NRG1: variants seen among roughly 807,000 people sequenced by gnomAD.
NRG1 encodes the protein neuregulin 1, also known as pro-neuregulin-1, membrane-bound isoform.
NRG1 carries 18 observed loss-of-function variants against 63.8 expected under a neutral mutation model. The ratio of observed to expected loss-of-function variants is 0.28; its 90% CI spans 0.19 to 0.42. NRG1 has a LOEUF of 0.42. Among genes scored for constraint, NRG1 ranks in the 10% least tolerant of loss-of-function variants. The pLI is 1.00. For missense variants in NRG1, 762 were observed against 814.7 expected (o/e 0.94, Z 0.79); for synonymous variants, 302 against 301.3 (o/e 1.00, Z -0.02).
At chr8:32,303,018 C>A (rs1855755200) in intron 1 of NRG1, among the ~76,000 whole-genome samples, 1 of 151,726 alleles carries the variant, frequency 6.6e-6, no homozygotes, top group Non-Finnish European at 1.5e-5. Context: ...CCTGTCTCTG[C>A]TAAAAATACA....
chr8:32,764,374 T>C, exon 12 of NRG1: 3 of 1,605,904 alleles, frequency 1.9e-6, no homozygotes, highest in Non-Finnish European at 1.7e-6. Flanking sequence ...TCTAGTGTAA[T>C]TGCTAACCAA....
At chr8:31,713,222 T>C (rs1693603924) in intron 1 of NRG1, among the ~76,000 whole-genome samples, 1 of 148,532 alleles carries the variant, frequency 6.7e-6, no homozygotes, top group South Asian at 2.2e-4. Context: ...GTTCACGCCA[T>C]TCTCCTGCCT....
intron 1 of NRG1, among the ~76,000 whole-genome samples, chr8:32,077,890 A>G (rs190837639): frequency 2.0e-5 from 3 of 152,248 alleles, no homozygotes; most frequent in Admixed American, 2.0e-4. Context: ...GCTCCTTCCT[A>G]TTGGGGGCTG....
Position 32,650,867 on chromosome 8 carries a change from A to AT in NRG1, c.502+33991dup, listed in dbSNP as rs201557669. On this transcript the variant is annotated intron_variant, in intron 5 of 11. Transcript: ENST00000356819. ...TTTAGGACTTTATTCTCCCGTTTCC[A>AT]TTTTTTTTTCTGTCTCAGCATATTC... Among the ~76,000 whole-genome samples, 213 of 150,318 alleles carry AT rather than the reference A, an allele frequency of 1.4e-3. 5 individuals carry two copies. In the East Asian group the frequency reaches 0.026, roughly 18 times the overall value.
In NRG1 at chr8:32,750,283, C is replaced by G. The variant is rs182408068; in HGVS notation, c.692-4089C>G. Among the ~76,000 whole-genome samples, 5 of 152,186 alleles carry G rather than the reference C, an allele frequency of 3.3e-5. No homozygotes were observed. The East Asian group carries it at 9.7e-4, about 29-fold the overall frequency. ...CATGAAGATTATCCAGACAAGTAAT[C>G]AAATAGAAAATTTCACACTGTCAAA... On this transcript the variant is annotated intron_variant, in intron 7 of 11. Transcript: ENST00000356819.
At chr8:31,678,582 G>A (rs2131043982) in intron 1 of NRG1, among the ~76,000 whole-genome samples, 1 of 151,682 alleles carries the variant, frequency 6.6e-6, no homozygotes, top group African/African-American at 2.4e-5. Context: ...TGACAAGTCT[G>A]TGTGACCCAA....
At position 32,272,091 on chromosome 8, in the gene NRG1, G is replaced by T. The variant is rs184805252; in HGVS notation, c.38-323737G>T. On this transcript the variant is annotated intron_variant, in intron 1 of 10. Coordinates refer to the NRG1 transcript ENST00000519301. ...ATTAAATTTCTTTTTCTTTTTTCTG[G>T]AATAGGGACTATCTTATTCAGCTCA... 1.9e-4 allele frequency among the ~76,000 whole-genome samples: 29 copies of T among 152,158 alleles called. No individual in the cohort carries two copies. In the East Asian group the frequency reaches 4.6e-3, roughly 24 times the overall value.
intron 1 of NRG1, among the ~76,000 whole-genome samples, chr8:32,390,972 A>G (rs1327115129): frequency 6.6e-6 from 1 of 152,208 alleles, no homozygotes; most frequent in Non-Finnish European, 1.5e-5. Flanking sequence ...AGTATCAAAT[A>G]TTTTAAGTGA....
chr8:31,821,422 C>A (rs1823995837), intron 1 of NRG1, among the ~76,000 whole-genome samples: 1 of 152,176 alleles, frequency 6.6e-6, no homozygotes. Flanking sequence ...TTTTATGGAA[C>A]TACAAGCGTC....
At chr8:32,116,187 A>G (rs1384696383) in intron 1 of NRG1, among the ~76,000 whole-genome samples, 2 of 152,162 alleles carry the variant, frequency 1.3e-5, no homozygotes, top group Non-Finnish European at 2.9e-5. Flanking sequence ...CCCCATATTC[A>G]GCTGCTGAGT....
intron 1 of NRG1, among the ~76,000 whole-genome samples, chr8:32,477,547 G>C (rs2129492187): frequency 6.6e-6 from 1 of 152,270 alleles, no homozygotes; most frequent in African/African-American, 2.4e-5. Context: ...TTGGGATATG[G>C]CCCCTTGTTC....
rs968237100 is a variant in NRG1, at chr8:31,640,896, G to A, written c.37+1465G>A. Among the ~76,000 whole-genome samples the A allele has an allele frequency of 1.3e-5, 2 of 152,194 alleles. No individual in the cohort carries two copies. Among genetic ancestry groups the A allele is most frequent in the Non-Finnish European group, 2.9e-5 (2 of 68,024 alleles). ...AGCGATCCTCAGAGAGGGAGGTTTC[G>A]CTTTCTCCAGCTTCCCTTGTCTTAG... On this transcript the variant is annotated intron_variant, in intron 1 of 10. Coordinates refer to the NRG1 transcript ENST00000519301. This position sits in a 1 kb window ranked among gnomAD's most constrained non-coding sequence, Gnocchi z 6.3.
intron 1 of NRG1, among the ~76,000 whole-genome samples, chr8:31,686,538 T>C (rs1808913648): frequency 6.6e-6 from 1 of 152,184 alleles, no homozygotes; most frequent in Non-Finnish European, 1.5e-5. Context: ...AAACATACCA[T>C]TTTGATGTCT....
intron 1 of NRG1, among the ~76,000 whole-genome samples, chr8:31,695,007 A>G (rs1383443176): frequency 1.3e-5 from 2 of 152,186 alleles, no homozygotes; most frequent in South Asian, 2.1e-4. Context: ...TTACGAAGCA[A>G]AGAGGTTTAA....
intron 1 of NRG1, among the ~76,000 whole-genome samples, chr8:31,851,724 C>A (rs1415718647): frequency 6.6e-6 from 1 of 150,516 alleles, no homozygotes; most frequent in Non-Finnish European, 1.5e-5. Context: ...CGTCATCTAG[C>A]ATTAGGTATA....
At chr8:32,512,050 G>A (rs1829283969) in intron 1 of NRG1, among the ~76,000 whole-genome samples, 1 of 152,022 alleles carries the variant, frequency 6.6e-6, no homozygotes, top group Admixed American at 6.6e-5. Flanking sequence ...CATGCCACAG[G>A]AATGGATTGG....
intron 1 of NRG1, among the ~76,000 whole-genome samples, chr8:31,819,794 T>G (rs1823828018): frequency 6.6e-6 from 1 of 152,196 alleles, no homozygotes; most frequent in African/African-American, 2.4e-5. Flanking sequence ...AGCTAACATT[T>G]CCTAATTAGC....
intron 1 of NRG1, among the ~76,000 whole-genome samples, chr8:32,570,583 T>C (rs1420490921): frequency 6.6e-6 from 1 of 152,178 alleles, no homozygotes; most frequent in Non-Finnish European, 1.5e-5. Context: ...AAATAAGTGG[T>C]TTGCTCCACT....
chr8:32,314,981 C>T (rs1857221401), intron 1 of NRG1, among the ~76,000 whole-genome samples: 1 of 152,162 alleles, frequency 6.6e-6, no homozygotes, highest in Admixed American at 6.5e-5. Flanking sequence ...GCGGATGTCA[C>T]CTCCTCCAAG....
Sources: gnomAD v4.1 joint callset for allele counts (sites outside exome capture counted in the v4.1 genomes callset) on GRCh38, gnomAD v4.1.1 for gene constraint, Gnocchi (gnomAD v3.1) non-coding constraint, MANE v1.5 for transcripts, NCBI Gene and HGNC (gene_info 2026-07-23, HGNC 2026-07-21) for gene names.